Variants in NT5C1B observed in about 807,000 individuals in gnomAD.
NT5C1B encodes the protein cytosolic 5'-nucleotidase 1B.
Under a neutral mutation model 57.8 loss-of-function variants are expected in NT5C1B, and 44 were observed. That is an observed-to-expected ratio of 0.76 (90% confidence interval 0.60 to 0.98). The LOEUF is 0.98. NT5C1B is among the 50% of genes least tolerant of loss of function. NT5C1B has a pLI of 0.00. For synonymous variants in NT5C1B, 284 were observed against 282.6 expected, an observed-to-expected ratio of 1.00 and a Z score of -0.05; for missense variants, 742 against 719.5, an observed-to-expected ratio of 1.03 and a Z score of -0.36.
At chr2:18,576,424 C>G in intron 7 of NT5C1B, 56 bp from the exon 8 acceptor site, 32 of 1,540,768 alleles carry the variant, frequency 2.1e-5, no homozygotes, top group Non-Finnish European at 2.7e-5. Flanking sequence ...GTTATAGTTT[C>G]TACCATTAAA....
intron 5 of NT5C1B, chr2:18,583,731 G>T: frequency 2.3e-6 from 1 of 427,554 alleles, no homozygotes. Flanking sequence ...AAGAGCTAAC[G>T]TGAATTTCAT....
intron 5 of NT5C1B, 187 bp downstream of exon 5, chr2:18,583,901 G>T (rs774951000): frequency 1.8e-5 from 17 of 942,762 alleles, no homozygotes; most frequent in Admixed American, 8.0e-5. Context: ...GTGGGCTGGA[G>T]TCCCTTCCTC....
In NT5C1B at chr2:18,584,464, AG is replaced by A. The variant is rs753526185; in HGVS notation, c.723+49del. ...CAGTGGAGAGGAGGGCGGCTGGAAG[AG>A]GCTGCAAGGAAGGGCGCCCCGGCTG... On this transcript the variant is annotated intron_variant, in intron 4 of 8. Coordinates refer to ENST00000304081, the Ensembl canonical transcript of NT5C1B. This position sits in a 1 kb window ranked among gnomAD's most constrained non-coding sequence, Gnocchi z 5.8. 2.5e-6 allele frequency: 4 copies of A among 1,578,636 alleles called. No homozygotes were observed. The East Asian group carries it at 9.3e-5, about 37-fold the overall frequency.
At position 18,584,303 on chromosome 2, in the gene NT5C1B, G is replaced by A; in HGVS notation, c.724-48C>T. On this transcript the variant is annotated intron_variant, in intron 4 of 8. Coordinates refer to ENST00000304081, the Ensembl canonical transcript of NT5C1B. This position sits in a 1 kb window ranked among gnomAD's most constrained non-coding sequence, Gnocchi z 5.8. ...GAGGATAGTCACATAGCCACGAAGA[G>A]GACAGGGTTGGGGCTCCTCCAGGGT... is the stretch of plus-strand genomic sequence containing the variant. 6.3e-7 allele frequency: 1 copy of A among 1,594,790 alleles called. No individual in the cohort carries two copies. Among genetic ancestry groups the A allele is most frequent in the African/African-American group, 1.3e-5 (1 of 74,756 alleles).
At chr2:18,589,564 T>A in exon 1 of NT5C1B, 1 of 1,565,806 alleles carries the variant, frequency 6.4e-7, no homozygotes, top group South Asian at 1.1e-5. Flanking sequence ...GCTTTGCATT[T>A]AGAATGTCAA....
chr2:18,576,414 G>A (rs367559631), intron 7 of NT5C1B, 46 bp from the exon 8 acceptor site: 5 of 1,562,748 alleles, frequency 3.2e-6, no homozygotes, highest in African/African-American at 1.4e-5. Context: ...AGGTCCATGA[G>A]TTATAGTTTC....
rs190364296 is a variant in NT5C1B at position 18,586,673 on chromosome 2, T to C, written c.121-282A>G. On this transcript the variant is annotated intron_variant, in intron 2 of 8. Coordinates refer to ENST00000304081, the Ensembl canonical transcript of NT5C1B. ...ACTGTGACTCCTCTTATGTGGATAT[T>C]AGTATGGTTCACCATTGTTCCTCCC... 541 of 582,498 alleles carry C rather than the reference T, an allele frequency of 9.3e-4. 3 individuals carry two copies. Among genetic ancestry groups the C allele is most frequent in the Admixed American group, 1.4e-3 (46 of 32,098 alleles). The allele number at this position is 582,498 out of a possible 1,614,324, so 36.1% of individuals were successfully genotyped here.
At chr2:18,581,305 T>C (rs1558382718) in intron 6 of NT5C1B, among the ~76,000 whole-genome samples, 1 of 152,190 alleles carries the variant, frequency 6.6e-6, no homozygotes, top group African/African-American at 2.4e-5. Context: ...AAAAGGAATA[T>C]TCTGAAATTC....
chr2:18,580,264 C>T (rs1404079524), intron 6 of NT5C1B, among the ~76,000 whole-genome samples: 1 of 152,058 alleles, frequency 6.6e-6, no homozygotes. Context: ...ATCATTTGAC[C>T]CAGCAATCCC....
At position 18,584,559 on chromosome 2, in the gene NT5C1B, C is replaced by T; in HGVS notation, c.678G>A (p.Met226Ile). 1 of 1,612,782 alleles carries T rather than the reference C, an allele frequency of 6.2e-7. No homozygotes were observed. The change falls in exon 4 of 9, where the codon ATG (methionine) becomes ATA (isoleucine). Residue 226 changes from methionine to isoleucine, a missense_variant. Transcript: ENST00000304081. The surrounding 1 kb of genome is among the most constrained non-coding windows in gnomAD (Gnocchi z 5.8). Reference sequence around the variant, plus strand: ...TCGGGTTCTTCTCGTAGAACGACCTCATGGATGCCCAGTAGGCAGCCTCGT... The same window carrying T: ...TCGGGTTCTTCTCGTAGAACGACCTTATGGATGCCCAGTAGGCAGCCTCGT...
intron 2 of NT5C1B, chr2:18,586,857 G>A (rs1157610554): frequency 1.4e-6 from 2 of 1,460,124 alleles, no homozygotes; most frequent in African/African-American, 1.4e-5. Context: ...GAGCCCTCAA[G>A]CTTTTCTTTT....
At chr2:18,581,131 CACTG>C (rs1284299772) in intron 6 of NT5C1B, among the ~76,000 whole-genome samples, 2 of 152,094 alleles carry the variant, frequency 1.3e-5, no homozygotes, top group Non-Finnish European at 2.9e-5. Context: ...TACAAAAAAA[CACTG>C]GCTGTTTGTA....
chr2:18,576,164 T>G lies in NT5C1B; in HGVS notation c.1329+20A>C. 6.3e-7 allele frequency: 1 copy of G among 1,575,842 alleles called. No homozygotes were observed. The highest frequency in any genetic ancestry group is 1.2e-5 in the South Asian group (1 of 82,300). On this transcript the variant is annotated intron_variant, in intron 8 of 8. Transcript: ENST00000304081. ...AAATAAATAAGTACATAAAAATTAATTAGCACTCATTGAACCTACCTGAGC... is the reference window on the plus strand; with the variant it reads ...AAATAAATAAGTACATAAAAATTAAGTAGCACTCATTGAACCTACCTGAGC...
chr2:18,585,349 A>C (rs946647736), intron 3 of NT5C1B, among the ~76,000 whole-genome samples: 12 of 152,160 alleles, frequency 7.9e-5, no homozygotes, highest in African/African-American at 2.4e-4. Flanking sequence ...GGTAGGACAG[A>C]GGGCATGCAG....
intron 8 of NT5C1B, among the ~76,000 whole-genome samples, chr2:18,571,792 C>A (rs1665214983): frequency 7.5e-6 from 1 of 132,480 alleles, no homozygotes. Flanking sequence ...TTGAAGTATT[C>A]ACACCACCTG....
chr2:18,563,808 T>C, exon 9 of NT5C1B: 1 of 1,554,854 alleles, frequency 6.4e-7, no homozygotes, highest in Non-Finnish European at 8.7e-7. Flanking sequence ...AACTACTGAA[T>C]TTTTTATTAA....
chr2:18,571,702 TTCTC>T (rs1203624508), intron 8 of NT5C1B, among the ~76,000 whole-genome samples: 4 of 106,980 alleles, frequency 3.7e-5, no homozygotes, highest in African/African-American at 1.8e-4. Context: ...CTCTCTCTCT[TTCTC>T]TCTGTGTGTG....
chr2:18,576,991 T>C lies in NT5C1B; in HGVS notation c.1022-96A>G, dbSNP rs1156837215. The stretch of plus-strand genomic sequence containing the variant: ...TTACCTTAGAGATAACTGAGTTTAT[T>C]TGTAAATTCAACTGGCTTTATTTGT... On this transcript the variant is annotated intron_variant, in intron 6 of 8. Transcript: ENST00000304081. 10 of 1,567,092 alleles carry C rather than the reference T, an allele frequency of 6.4e-6. No homozygotes were observed. In the East Asian group the frequency reaches 1.8e-4, roughly 28 times the overall value.
intron 8 of NT5C1B, among the ~76,000 whole-genome samples, chr2:18,566,300 G>C (rs1367090954): frequency 1.3e-5 from 2 of 152,068 alleles, no homozygotes; most frequent in Non-Finnish European, 2.9e-5. Flanking sequence ...AGACTGACTT[G>C]TTTTCATGAT....
Sources: gnomAD v4.1 joint callset for allele counts (sites outside exome capture counted in the v4.1 genomes callset) on GRCh38, gnomAD v4.1.1 for gene constraint, Gnocchi (gnomAD v3.1) non-coding constraint, MANE v1.5 for transcripts, NCBI Gene and HGNC (gene_info 2026-07-23, HGNC 2026-07-21) for gene names.